The following C7orf78 variants were observed in gnomAD, a reference collection of about 807,000 sequenced individuals.
C7orf78 encodes the protein chromosome 7 open reading frame 78.
At chr7:12,488,282 T>A in the C7orf78 span, among the ~76,000 whole-genome samples, 4 of 152,178 alleles carry the variant, frequency 2.6e-5, no homozygotes, top group Admixed American at 1.3e-4. Flanking sequence ...TATGAATTAG[T>A]AACTTCAAGA....
the C7orf78 span, among the ~76,000 whole-genome samples, chr7:12,494,135 G>C: frequency 6.6e-6 from 1 of 152,134 alleles, no homozygotes; most frequent in African/African-American, 2.4e-5. Flanking sequence ...TAGACTATAA[G>C]CATCTTAGGG....
chr7:12,489,695 G>C, the C7orf78 span, among the ~76,000 whole-genome samples: 2 of 152,036 alleles, frequency 1.3e-5, no homozygotes, highest in Non-Finnish European at 2.9e-5. Context: ...CAAAGTCAGG[G>C]TTTATTAAGA....
the C7orf78 span, among the ~76,000 whole-genome samples, chr7:12,486,473 G>C: frequency 6.6e-6 from 1 of 151,668 alleles, no homozygotes; most frequent in Admixed American, 6.6e-5. Flanking sequence ...ACAATACAAG[G>C]TCAATATTTT....
chr7:12,524,713 C>G, the C7orf78 span, among the ~76,000 whole-genome samples: 1 of 151,826 alleles, frequency 6.6e-6, no homozygotes, highest in Non-Finnish European at 1.5e-5. Flanking sequence ...TGTGGTAACA[C>G]GTGCCTGTAA....
the C7orf78 span, among the ~76,000 whole-genome samples, chr7:12,497,994 G>C: frequency 9.9e-5 from 15 of 151,890 alleles, no homozygotes; most frequent in African/African-American, 3.6e-4. Context: ...CACACTGCAG[G>C]GTACTCCAAC....
At chr7:12,498,871 C>A in the C7orf78 span, among the ~76,000 whole-genome samples, 2 of 151,402 alleles carry the variant, frequency 1.3e-5, no homozygotes, top group East Asian at 1.9e-4. Flanking sequence ...GCCCATCAGA[C>A]TAACAGAGGA....
At chr7:12,505,706 GT>G in the C7orf78 span, among the ~76,000 whole-genome samples, 7 of 109,898 alleles carry the variant, frequency 6.4e-5, no homozygotes, top group South Asian at 2.3e-3. Flanking sequence ...TAATTTCTCA[GT>G]CATATATTTC....
the C7orf78 span, chr7:12,526,030 T>G: frequency 2.6e-6 from 1 of 384,468 alleles, no homozygotes; most frequent in Non-Finnish European, 4.6e-6. Context: ...ACGGTAAATT[T>G]TTTAATGTCC....
At chr7:12,505,894 T>A in the C7orf78 span, 1 of 152,202 alleles carries the variant, frequency 6.6e-6, no homozygotes, top group Non-Finnish European at 1.5e-5. Context: ...TAATTTTACA[T>A]ACATATTATT....
chr7:12,502,638 C>A, the C7orf78 span, among the ~76,000 whole-genome samples: 1 of 151,956 alleles, frequency 6.6e-6, no homozygotes, highest in Admixed American at 6.6e-5. Flanking sequence ...GTTGGTGGGA[C>A]TGTAAACTAG....
chr7:12,508,336 GT>G, the C7orf78 span, among the ~76,000 whole-genome samples: 1 of 151,890 alleles, frequency 6.6e-6, no homozygotes, highest in Non-Finnish European at 1.5e-5. Flanking sequence ...AATGGCTCAA[GT>G]TTCTAAGTTT....
chr7:12,491,878 C>T, the C7orf78 span: 1 of 152,174 alleles, frequency 6.6e-6, no homozygotes, highest in African/African-American at 2.4e-5. Flanking sequence ...ACAGAAGTCA[C>T]CAGTTCTTTA....
chr7:12,483,420 T>A, the C7orf78 span: 1 of 152,206 alleles, frequency 6.6e-6, no homozygotes, highest in South Asian at 2.1e-4. Flanking sequence ...AAACACACTT[T>A]GATTAAGGTT....
At chr7:12,487,964 A>G in the C7orf78 span, among the ~76,000 whole-genome samples, 152,146 of 152,146 alleles carry the variant, frequency 1, 76,073 homozygotes, top group Non-Finnish European at 1. Flanking sequence ...CTAATTTATA[A>G]ACATTATCCC....
At chr7:12,536,050 G>C in the C7orf78 span, among the ~76,000 whole-genome samples, 12 of 152,132 alleles carry the variant, frequency 7.9e-5, no homozygotes, top group Non-Finnish European at 1.0e-4. Context: ...CTACCATTCT[G>C]GGGTCTGTAG....
the C7orf78 span, among the ~76,000 whole-genome samples, chr7:12,492,265 A>T: frequency 6.6e-6 from 1 of 152,218 alleles, no homozygotes; most frequent in Non-Finnish European, 1.5e-5. Context: ...AAATAAAAAA[A>T]ATACTAAGAC....
the C7orf78 span, among the ~76,000 whole-genome samples, chr7:12,512,321 G>T: frequency 3.2e-4 from 48 of 151,992 alleles, 1 homozygote; most frequent in South Asian, 1.0e-2. Context: ...GTTAGCTGTG[G>T]GTTTGTCATA....
At chr7:12,495,240 C>T in the C7orf78 span, among the ~76,000 whole-genome samples, 1 of 152,162 alleles carries the variant, frequency 6.6e-6, no homozygotes, top group Non-Finnish European at 1.5e-5. Context: ...TCATGAAAGT[C>T]TATTCCCTAT....
At chr7:12,529,536 C>T in the C7orf78 span, among the ~76,000 whole-genome samples, 2 of 152,210 alleles carry the variant, frequency 1.3e-5, no homozygotes, top group African/African-American at 2.4e-5. Flanking sequence ...GTAACACAGT[C>T]TCAGGAGGTT....
Sources: allele counts gnomAD v4.1 joint callset (sites outside exome capture counted in the v4.1 genomes callset), GRCh38; gene constraint gnomAD v4.1.1; transcripts MANE v1.5; gene names NCBI Gene and HGNC (gene_info 2026-07-23, HGNC 2026-07-21).